Variants in EMC3 observed in about 807,000 individuals in gnomAD.
The protein encoded by EMC3 is 30 kDa protein.
Under a neutral mutation model 36.6 loss-of-function variants are expected in EMC3, and 13 were observed. The ratio of observed to expected loss-of-function variants is 0.35; its 90% CI spans 0.23 to 0.56. EMC3 has a LOEUF of 0.56. Ranked by LOEUF, EMC3 falls within the 20% of genes least tolerant of loss-of-function variation. EMC3 has a pLI of 0.84. For synonymous variants in EMC3, 120 were observed against 111.9 expected (o/e 1.07, Z -0.46); for missense variants, 220 against 324.5 (o/e 0.68, Z 2.47).
intron 7 of EMC3, among the ~76,000 whole-genome samples, chr3:9,965,460 A>AGATAGAAC: frequency 6.7e-6 from 1 of 149,700 alleles, no homozygotes; most frequent in East Asian, 1.9e-4. Context: ...ATAGATAGAT[A>AGATAGAAC]GAACAAGCTT....
chr3:9,969,998 G>C lies in EMC3; in HGVS notation c.575-197C>G, dbSNP rs1351218645. ...ATGGGGACAGTAACAGCAAAAGAGAGATCACTAAAGGAAGCTCTAAACTTT... is the reference window on the plus strand; with the variant it reads ...ATGGGGACAGTAACAGCAAAAGAGACATCACTAAAGGAAGCTCTAAACTTT... On this transcript the variant is annotated intron_variant, in intron 6 of 7. Transcript: ENST00000245046. 2.0e-5 allele frequency among the ~76,000 whole-genome samples: 3 copies of C among 152,292 alleles called. No individual in the cohort carries two copies. In the East Asian group the frequency reaches 5.8e-4, roughly 29 times the overall value.
At position 9,970,604 on chromosome 3, in the gene EMC3, A is replaced by C; in HGVS notation, c.552T>G (p.Ser184=). The C allele has an allele frequency of 1.9e-6, 3 of 1,614,214 alleles. No homozygotes were observed. The highest frequency in any genetic ancestry group is 2.5e-6 in the Non-Finnish European group (3 of 1,180,032). ...LNVFGLRSIY[S]LILGQDNAAD... is the part of the protein sequence containing the mutation. ...TACCATTATCTTGGCCCAGAATCAG[A>C]GAGTAAATGCTCCGAAGCCCAAATA... Residue 184 remains serine (S), a synonymous_variant, in exon 6 of 8, where the codon TCT becomes TCG. Coordinates refer to ENST00000245046, the MANE Select transcript of EMC3 (RefSeq NM_001394674.1).
intron 1 of EMC3, among the ~76,000 whole-genome samples, chr3:9,998,779 TGAG>T (rs1360562134): frequency 6.6e-6 from 1 of 152,160 alleles, no homozygotes; most frequent in African/African-American, 2.4e-5. Flanking sequence ...TTTTCAGAGA[TGAG>T]GTCTCACTCT....
At chr3:9,997,758 C>T (rs1286332020) in intron 1 of EMC3, among the ~76,000 whole-genome samples, 3 of 152,170 alleles carry the variant, frequency 2.0e-5, no homozygotes, top group Non-Finnish European at 4.4e-5. Flanking sequence ...CTGCGCCCGG[C>T]CCCCATTCTT....
intron 5 of EMC3, among the ~76,000 whole-genome samples, chr3:9,971,122 C>A (rs533814124): frequency 6.6e-6 from 1 of 152,168 alleles, no homozygotes; most frequent in East Asian, 1.9e-4. Flanking sequence ...GGGGTCTCAC[C>A]ATGTTGGCCA....
Position 9,974,365 on chromosome 3 carries a change from G to C in EMC3, c.412+19C>G. ...GAATTTCTCTGGGTAACATGAAGTC[G>C]GCTGGGTCTGTAACTTACTTGTGAC... is the stretch of plus-strand genomic sequence containing the variant. On this transcript the variant is annotated intron_variant, in intron 4 of 7. Coordinates refer to ENST00000245046, the MANE Select transcript of EMC3 (RefSeq NM_001394674.1). 1 of 1,547,912 alleles carries C rather than the reference G, an allele frequency of 6.5e-7. No homozygotes were observed.
At chr3:9,981,160 C>G (rs1464391274) in intron 1 of EMC3, among the ~76,000 whole-genome samples, 2 of 152,216 alleles carry the variant, frequency 1.3e-5, no homozygotes, top group African/African-American at 4.8e-5. Context: ...CATGATCGCA[C>G]CACTGCGATC....
intron 1 of EMC3, among the ~76,000 whole-genome samples, chr3:9,997,008 C>T (rs1359852705): frequency 1.3e-5 from 2 of 151,954 alleles, no homozygotes; most frequent in Admixed American, 6.6e-5. Context: ...TAATGTTATA[C>T]AACCATTACC....
chr3:9,996,127 G>A (rs1233797499), intron 1 of EMC3, among the ~76,000 whole-genome samples: 2 of 152,314 alleles, frequency 1.3e-5, no homozygotes, highest in Admixed American at 6.5e-5. Context: ...TCCATCTAAT[G>A]TGAACTTCAC....
At chr3:9,970,784 T>G in intron 5 of EMC3, 123 bp from the exon 6 acceptor site, 1 of 817,266 alleles carries the variant, frequency 1.2e-6, no homozygotes, top group Middle Eastern at 2.3e-4. Flanking sequence ...TGGGCTATAT[T>G]CATCCAAAGC....
At chr3:9,988,051 A>T (rs550701598), upstream of EMC3, 39 of 662,252 alleles carry the variant, frequency 5.9e-5, no homozygotes, top group East Asian at 1.1e-3. Flanking sequence ...CTCACATAGG[A>T]TGTCACAGTT....
Position 9,973,162 on chromosome 3 carries a change from T to C in EMC3, c.494+466A>G, listed in dbSNP as rs551112748. Among the ~76,000 whole-genome samples, 10 of 150,600 alleles carry C rather than the reference T, an allele frequency of 6.6e-5. No homozygotes were observed. In the South Asian group the frequency reaches 1.9e-3, roughly 28 times the overall value. Reference sequence around the variant, plus strand: ...TTTAAGGGACACTGGTTTTAGATTTTGGTTTGTGAGGTTTTTGTTTTCGTT... The same window carrying C: ...TTTAAGGGACACTGGTTTTAGATTTCGGTTTGTGAGGTTTTTGTTTTCGTT... On this transcript the variant is annotated intron_variant, in intron 5 of 7. Coordinates refer to ENST00000245046, the MANE Select transcript of EMC3 (RefSeq NM_001394674.1).
At chr3:9,965,767 C>G (rs1371606505) in intron 7 of EMC3, among the ~76,000 whole-genome samples, 1 of 152,114 alleles carries the variant, frequency 6.6e-6, no homozygotes, top group Non-Finnish European at 1.5e-5. Context: ...TTTTCTTTCA[C>G]TTAGCATGTT....
chr3:9,981,499 T>A (rs1236742986), intron 1 of EMC3: 1 of 159,670 alleles, frequency 6.3e-6, no homozygotes, highest in African/African-American at 2.4e-5. Flanking sequence ...CTAAAAGAAA[T>A]TTTTAATTTT....
chr3:9,991,120 G>A (rs547823137), upstream of EMC3, among the ~76,000 whole-genome samples: 10 of 152,186 alleles, frequency 6.6e-5, no homozygotes, highest in Admixed American at 1.3e-4. Context: ...GAGCCACCGC[G>A]CCCGGCCATT....
upstream of EMC3, chr3:9,987,410 TC>T: frequency 2.1e-6 from 1 of 481,052 alleles, no homozygotes; most frequent in Non-Finnish European, 2.7e-6. Context: ...GATGGGATAG[TC>T]CCCACAGGTA....
chr3:9,969,503 T>C, intron 7 of EMC3: 1 of 1,434,950 alleles, frequency 7.0e-7, no homozygotes, highest in Non-Finnish European at 9.1e-7. Context: ...TAAATTCCAG[T>C]GAGCATTTAA....
At chr3:9,984,209 G>T (rs2085943326) in intron 1 of EMC3, among the ~76,000 whole-genome samples, 1 of 152,034 alleles carries the variant, frequency 6.6e-6, no homozygotes, top group African/African-American at 2.4e-5. Context: ...AGCCTCCCGA[G>T]TAGCTGGGAC....
chr3:9,987,182 C>T (rs1343767468), upstream of EMC3: 6 of 941,290 alleles, frequency 6.4e-6, no homozygotes, highest in African/African-American at 1.8e-5. Flanking sequence ...GCACTGCACT[C>T]CAGCCTGGGC....
Sources: gnomAD v4.1 joint callset for allele counts (sites outside exome capture counted in the v4.1 genomes callset) on GRCh38, gnomAD v4.1.1 for gene constraint, MANE v1.5 for transcripts, NCBI Gene and HGNC (gene_info 2026-07-23, HGNC 2026-07-21) for gene names.